SRD5A2: variants seen among roughly 807,000 people sequenced by gnomAD.
SRD5A2 encodes the protein 3-oxo-5-alpha-steroid 4-dehydrogenase 2.
SRD5A2 carries 30 observed loss-of-function variants against 27.4 expected under a neutral mutation model. That is an observed-to-expected ratio of 1.10 (90% CI 0.82 to 1.49). The LOEUF is 1.49. SRD5A2 is among the 40% of genes most tolerant of loss of function. The probability of loss-of-function intolerance (pLI) is 0.00; values close to 1 mark genes in which losing one functional copy is unlikely to be tolerated. For missense variants in SRD5A2, 348 were observed against 323.4 expected (o/e 1.08, Z -0.58); for synonymous variants, 141 against 133.6 (o/e 1.06, Z -0.38).
At chr2:31,625,212 AT>A in the SRD5A2 span, among the ~76,000 whole-genome samples, 33 of 151,332 alleles carry the variant, frequency 2.2e-4, no homozygotes, top group Admixed American at 1.9e-3. Flanking sequence ...GGGTTGTTTG[AT>A]TTTTTCTTGT....
intron 1 of SRD5A2, among the ~76,000 whole-genome samples, 169 bp downstream of exon 1, chr2:31,580,451 C>G (rs895644192): frequency 6.6e-6 from 1 of 152,152 alleles, no homozygotes; most frequent in Non-Finnish European, 1.5e-5. Context: ...AGCGTCCAAG[C>G]CCCGGCCCCG....
At chr2:31,601,685 C>T in the SRD5A2 span, among the ~76,000 whole-genome samples, 1 of 152,068 alleles carries the variant, frequency 6.6e-6, no homozygotes, top group Non-Finnish European at 1.5e-5. Context: ...AAACTGAATC[C>T]AGCAGCACAT....
the SRD5A2 span, chr2:31,651,249 G>C: frequency 6.6e-6 from 1 of 152,192 alleles, no homozygotes; most frequent in African/African-American, 2.4e-5. Flanking sequence ...GACCATTATG[G>C]AACAGGAAAT....
the SRD5A2 span, among the ~76,000 whole-genome samples, chr2:31,640,180 A>G: frequency 1.5e-4 from 21 of 144,564 alleles, no homozygotes; most frequent in Non-Finnish European, 2.0e-4. Flanking sequence ...CTCAGTTCTC[A>G]GCTGTGTGTT....
the SRD5A2 span, among the ~76,000 whole-genome samples, chr2:31,610,366 T>C: frequency 6.6e-6 from 1 of 152,158 alleles, no homozygotes; most frequent in South Asian, 2.1e-4. Context: ...GAAGAGATGC[T>C]TCAACATATG....
intron 1 of SRD5A2, among the ~76,000 whole-genome samples, chr2:31,548,021 CT>C (rs1238311367): frequency 3.3e-5 from 5 of 152,086 alleles, no homozygotes. Context: ...GCAAATCATG[CT>C]GGGAAAACTG....
the SRD5A2 span, among the ~76,000 whole-genome samples, chr2:31,640,160 A>G: frequency 6.8e-6 from 1 of 146,790 alleles, no homozygotes; most frequent in Admixed American, 6.8e-5. Context: ...TCAGTTCAGC[A>G]TATGCATTTC....
chr2:31,538,842 C>T (rs1023138475), intron 1 of SRD5A2, among the ~76,000 whole-genome samples: 2 of 152,204 alleles, frequency 1.3e-5, no homozygotes, highest in African/African-American at 4.8e-5. Context: ...TTATTGTCCA[C>T]CTCTTCCCAC....
chr2:31,582,505 C>T (rs1451675459), upstream of SRD5A2, among the ~76,000 whole-genome samples: 2 of 151,998 alleles, frequency 1.3e-5, no homozygotes, highest in African/African-American at 4.8e-5. Flanking sequence ...AAGCATTTTT[C>T]ATGGAAAAGC....
chr2:31,611,927 AT>A, the SRD5A2 span, among the ~76,000 whole-genome samples: 2 of 152,192 alleles, frequency 1.3e-5, no homozygotes, highest in African/African-American at 4.8e-5. Context: ...ATATAGGAGA[AT>A]AGAAAAACAA....
chr2:31,574,374 T>C (rs1354053580), intron 1 of SRD5A2, among the ~76,000 whole-genome samples: 2 of 152,202 alleles, frequency 1.3e-5, no homozygotes, highest in Non-Finnish European at 2.9e-5. Flanking sequence ...TGTAACTTGG[T>C]ACATGTCACT....
intron 1 of SRD5A2, among the ~76,000 whole-genome samples, chr2:31,572,125 T>C (rs1666861523): frequency 6.6e-6 from 1 of 152,208 alleles, no homozygotes; most frequent in African/African-American, 2.4e-5. Context: ...GTGGCATATA[T>C]ACACCATGGA....
chr2:31,617,161 T>G, the SRD5A2 span, among the ~76,000 whole-genome samples: 2 of 152,104 alleles, frequency 1.3e-5, no homozygotes, highest in Non-Finnish European at 2.9e-5. Context: ...CTTTATAAAT[T>G]ACCCAGTCTC....
chr2:31,614,472 C>G, the SRD5A2 span, among the ~76,000 whole-genome samples: 1 of 152,264 alleles, frequency 6.6e-6, no homozygotes, highest in East Asian at 1.9e-4. Context: ...CTCCTGGCTG[C>G]TTTCACAGGC....
At chr2:31,586,409 A>G in the SRD5A2 span, among the ~76,000 whole-genome samples, 66 of 152,312 alleles carry the variant, frequency 4.3e-4, no homozygotes, top group African/African-American at 1.6e-3. Context: ...TTGAGCAAAC[A>G]TAGGCAGTGG....
chr2:31,581,657 A>C (rs1287290070), upstream of SRD5A2, among the ~76,000 whole-genome samples: 1 of 152,000 alleles, frequency 6.6e-6, no homozygotes, highest in East Asian at 1.9e-4. Context: ...GTGATCATGC[A>C]CAGATTGGGG....
At chr2:31,625,735 T>G in the SRD5A2 span, among the ~76,000 whole-genome samples, 2 of 152,074 alleles carry the variant, frequency 1.3e-5, no homozygotes, top group African/African-American at 4.8e-5. Flanking sequence ...TGTTTTGGTA[T>G]CAGTACAATG....
chr2:31,595,458 G>A, the SRD5A2 span, among the ~76,000 whole-genome samples: 1 of 152,060 alleles, frequency 6.6e-6, no homozygotes, highest in African/African-American at 2.4e-5. Flanking sequence ...AACCTAAGGG[G>A]ATGGATAAAT....
upstream of SRD5A2, among the ~76,000 whole-genome samples, chr2:31,583,805 G>A (rs1298123325): frequency 2.6e-5 from 4 of 151,952 alleles, no homozygotes; most frequent in Non-Finnish European, 4.4e-5. Context: ...AATGACTATC[G>A]TGAAGGAAAA....
Sources: allele counts gnomAD v4.1 joint callset (sites outside exome capture counted in the v4.1 genomes callset), GRCh38; gene constraint gnomAD v4.1.1; transcripts MANE v1.5; gene names NCBI Gene and HGNC (gene_info 2026-07-23, HGNC 2026-07-21).